Variants in KIF26B observed in about 807,000 individuals in gnomAD.
The protein encoded by KIF26B is kinesin-like protein KIF26B.
A neutral mutation model predicts 151.2 loss-of-function variants in KIF26B; 63 were observed. The ratio of observed to expected loss-of-function variants is 0.42; its 90% CI spans 0.34 to 0.51. The LOEUF (loss-of-function observed/expected upper bound fraction) is 0.51, where lower values mean the gene tolerates loss of function less well. KIF26B is among the 20% of genes least tolerant of loss of function. The pLI is 0.07. For missense variants in KIF26B, 2,813 were observed against 2,913.6 expected (o/e 0.97, Z 0.79); for synonymous variants, 1,357 against 1,262.1 (o/e 1.08, Z -1.59).
chr1:245,300,495 A>T lies in KIF26B; in HGVS notation c.466-66339A>T, dbSNP rs80021955. 8.4e-4 allele frequency among the ~76,000 whole-genome samples: 127 copies of T among 151,088 alleles called. No homozygotes were observed. The East Asian group carries it at 0.022, about 26-fold the overall frequency. On this transcript the variant is annotated intron_variant, in intron 2 of 14. Transcript: ENST00000407071. ...CTTAAAACACAATCATCATCCCTTC[A>T]TTGATAGAGGCACAAATGAATTATT...
At chr1:245,510,529 G>A (rs998076297) in intron 4 of KIF26B, among the ~76,000 whole-genome samples, 1 of 151,380 alleles carries the variant, frequency 6.6e-6, no homozygotes, top group Non-Finnish European at 1.5e-5. Flanking sequence ...TGGGTTAATT[G>A]GAGTTGTAGC....
chr1:245,240,080 G>A (rs1269264496), intron 2 of KIF26B, among the ~76,000 whole-genome samples: 2 of 152,068 alleles, frequency 1.3e-5, no homozygotes, highest in Non-Finnish European at 2.9e-5. Context: ...TGAGGCATGA[G>A]AACTGCTTGA....
intron 4 of KIF26B, among the ~76,000 whole-genome samples, chr1:245,433,476 A>AG (rs1658829720): frequency 1.4e-5 from 2 of 146,654 alleles, no homozygotes; most frequent in East Asian, 2.0e-4. Context: ...CAAAAAAAAA[A>AG]AAAGAAGAAG....
chr1:245,320,440 G>A (rs928096234), intron 2 of KIF26B, among the ~76,000 whole-genome samples: 5 of 152,170 alleles, frequency 3.3e-5, no homozygotes, highest in African/African-American at 7.2e-5. Context: ...AGTGTGCTAC[G>A]TTTGTTTCAA....
intron 4 of KIF26B, among the ~76,000 whole-genome samples, chr1:245,438,261 C>T (rs1382669093): frequency 6.6e-6 from 1 of 152,176 alleles, no homozygotes; most frequent in South Asian, 2.1e-4. Context: ...TCACCTGGGC[C>T]ATATAGCTGC....
intron 2 of KIF26B, among the ~76,000 whole-genome samples, chr1:245,262,799 G>A (rs1670672902): frequency 1.3e-5 from 2 of 152,186 alleles, no homozygotes; most frequent in Admixed American, 6.5e-5. Context: ...TTCTCTGGAA[G>A]TAGAATGGAA....
chr1:245,250,060 G>A (rs1348006362), intron 2 of KIF26B, among the ~76,000 whole-genome samples: 1 of 152,176 alleles, frequency 6.6e-6, no homozygotes, highest in Admixed American at 6.6e-5. Context: ...CATGATCCGT[G>A]TAGCTTTCAT....
At chr1:245,543,002 C>T (rs894339460) in intron 5 of KIF26B, among the ~76,000 whole-genome samples, 4 of 152,144 alleles carry the variant, frequency 2.6e-5, no homozygotes, top group African/African-American at 9.7e-5. Flanking sequence ...CTGGGGTGCT[C>T]ATGTACCCCA....
intron 2 of KIF26B, among the ~76,000 whole-genome samples, chr1:245,285,965 T>G (rs1054232063): frequency 7.4e-6 from 1 of 135,610 alleles, no homozygotes; most frequent in Non-Finnish European, 1.5e-5. Context: ...ACCACTGCAC[T>G]CCAGCCTGGA....
rs774365482 is a variant in KIF26B at position 245,687,759 on chromosome 1, C to T, written c.4776C>T (p.Pro1592=). 6.3e-7 allele frequency: 1 copy of T among 1,579,708 alleles called. No homozygotes were observed. Among genetic ancestry groups the T allele is most frequent in the Non-Finnish European group, 8.6e-7 (1 of 1,163,280 alleles). ...CCAAGCACTGTGTTCTGGCTCGGCCCAAAGGGACTCCCCCTCTGCCCCCTG... is the reference window on the plus strand; with the variant it reads ...CCAAGCACTGTGTTCTGGCTCGGCCTAAAGGGACTCCCCCTCTGCCCCCTG... ...ASPKHCVLAR[P]KGTPPLPPVR... Residue 1592 remains proline (P), a synonymous_variant, in exon 12 of 15, where the codon CCC becomes CCT. Transcript: ENST00000407071. This position sits in a 1 kb window ranked among gnomAD's most constrained non-coding sequence, Gnocchi z 4.9.
chr1:245,188,963 A>T (rs1558338812), intron 2 of KIF26B, among the ~76,000 whole-genome samples: 1 of 152,256 alleles, frequency 6.6e-6, no homozygotes, highest in African/African-American at 2.4e-5. Flanking sequence ...CAAAGGACAA[A>T]TGTTGTATGG....
intron 4 of KIF26B, among the ~76,000 whole-genome samples, chr1:245,435,005 ATCCATCCATCCATCTC>A (rs1383881617): frequency 5.4e-5 from 8 of 149,212 alleles, no homozygotes; most frequent in Non-Finnish European, 1.2e-4. Flanking sequence ...CCATCCATCC[ATCCATCCATCCATCTC>A]TCCATCCACC....
Position 245,583,244 on chromosome 1 carries a change from GGT to G in KIF26B, c.1351-19332_1351-19331del, listed in dbSNP as rs760500880. Among the ~76,000 whole-genome samples, 744 of 152,296 alleles carry G rather than the reference GGT, an allele frequency of 4.9e-3. 5 individuals carry two copies. The highest frequency in any genetic ancestry group is 7.5e-3 in the Non-Finnish European group (507 of 68,036). On this transcript the variant is annotated intron_variant, in intron 5 of 14. Coordinates refer to ENST00000407071, the MANE Select transcript of KIF26B (RefSeq NM_018012.4). ...TTCTACCCGGACTTAAAGATCTACT[GGT>G]CCTGCAGAGCTGAGCTCCAGTGGTG... is the stretch of plus-strand genomic sequence containing the variant.
rs564183547 is a variant in KIF26B, at chr1:245,431,514, T to C, written c.1166+11769T>C. Among the ~76,000 whole-genome samples the C allele has an allele frequency of 8.5e-5, 13 of 152,282 alleles. No individual in the cohort carries two copies. The East Asian group carries it at 2.5e-3, about 29-fold the overall frequency. On this transcript the variant is annotated intron_variant, in intron 4 of 14. Transcript: ENST00000407071. Reference sequence around the variant, plus strand: ...CATCCGCCACCATGCCCAGCTCATTTTTTCTATTTTTAGTAGAGACAGGGT... The same window carrying C: ...CATCCGCCACCATGCCCAGCTCATTCTTTCTATTTTTAGTAGAGACAGGGT...
intron 9 of KIF26B, among the ~76,000 whole-genome samples, chr1:245,612,463 T>C (rs1445204123): frequency 1.3e-5 from 2 of 152,160 alleles, no homozygotes; most frequent in Non-Finnish European, 2.9e-5. Context: ...TAATTCAAGA[T>C]AATTATAGTA....
chr1:245,688,032 G>A lies in KIF26B; in HGVS notation c.5049G>A (p.Glu1683=), dbSNP rs1156877148. The A allele has an allele frequency of 1.3e-6, 2 of 1,557,898 alleles. No individual in the cohort carries two copies. The highest frequency in any genetic ancestry group is 1.7e-6 in the Non-Finnish European group (2 of 1,151,850). The change falls in exon 12 of 15, where the codon GAG becomes GAA. Residue 1683 remains glutamate, a synonymous_variant. Coordinates refer to ENST00000407071, the MANE Select transcript of KIF26B (RefSeq NM_018012.4). ...GCCACTACGAATGCCTCTCCCTGGA[G>A]CGGGCCGAGAGCCTGTCCTCCGTGA... ...TVSHYECLSL[E]RAESLSSVSS... is the part of the protein sequence containing the mutation.
At chr1:245,492,983 G>A (rs1199075285) in intron 4 of KIF26B, among the ~76,000 whole-genome samples, 1 of 152,086 alleles carries the variant, frequency 6.6e-6, no homozygotes, top group African/African-American at 2.4e-5. Context: ...GTTTCATCAT[G>A]TTGGCCAGGA....
At chr1:245,474,918 C>T (rs1572080943) in intron 4 of KIF26B, among the ~76,000 whole-genome samples, 1 of 151,686 alleles carries the variant, frequency 6.6e-6, no homozygotes, top group East Asian at 1.9e-4. Context: ...ATTTCACTTC[C>T]CATAATGACC....
intron 2 of KIF26B, among the ~76,000 whole-genome samples, chr1:245,359,033 T>C (rs1672758104): frequency 6.6e-6 from 1 of 151,960 alleles, no homozygotes; most frequent in Non-Finnish European, 1.5e-5. Context: ...TTTTTTTTTT[T>C]CTTGAGATGG....
Sources: allele counts gnomAD v4.1 joint callset (sites outside exome capture counted in the v4.1 genomes callset), GRCh38; gene constraint gnomAD v4.1.1; non-coding constraint Gnocchi (gnomAD v3.1); transcripts MANE v1.5; gene names NCBI Gene and HGNC (gene_info 2026-07-23, HGNC 2026-07-21).